Variants in TMEM150C observed in about 807,000 individuals in gnomAD.
TMEM150C encodes tentonin 3.
In TMEM150C, 10 loss-of-function variants were observed where a neutral mutation model predicts 29.9. That is an observed-to-expected ratio of 0.33 (90% CI 0.21 to 0.57). The LOEUF (loss-of-function observed/expected upper bound fraction) is 0.57, where lower values mean the gene tolerates loss of function less well. Ranked by LOEUF, TMEM150C falls within the 20% of genes least tolerant of loss-of-function variation. TMEM150C has a pLI of 0.88. For synonymous variants in TMEM150C, 101 were observed against 112.5 expected (o/e 0.90, Z 0.64); for missense variants, 251 against 303.6 (o/e 0.83, Z 1.29).
intron 6 of TMEM150C, among the ~76,000 whole-genome samples, chr4:82,492,397 G>A (rs961325071): frequency 1.3e-5 from 2 of 152,202 alleles, no homozygotes; most frequent in African/African-American, 4.8e-5. Context: ...CAAAGTGCTG[G>A]GATTACAGGC....
intron 7 of TMEM150C, among the ~76,000 whole-genome samples, chr4:82,487,519 C>T (rs910210493): frequency 1.3e-5 from 2 of 152,122 alleles, no homozygotes; most frequent in African/African-American, 4.8e-5. Context: ...AAAATATTGC[C>T]AAAGCAATAT....
At chr4:82,544,501 G>A (rs752387618) in intron 1 of TMEM150C, among the ~76,000 whole-genome samples, 12 of 152,184 alleles carry the variant, frequency 7.9e-5, no homozygotes, top group Non-Finnish European at 1.2e-4. Context: ...ATGTATGGCC[G>A]AGCACAGTGG....
chr4:82,551,599 TTTC>T (rs1478226862), intron 1 of TMEM150C, among the ~76,000 whole-genome samples: 7 of 152,310 alleles, frequency 4.6e-5, no homozygotes, highest in Middle Eastern at 3.4e-3. Context: ...ATCTGCTTTT[TTTC>T]ATTTTCCCCT....
At chr4:82,488,193 G>GT (rs1302176805) in intron 7 of TMEM150C, among the ~76,000 whole-genome samples, 1 of 152,138 alleles carries the variant, frequency 6.6e-6, no homozygotes, top group East Asian at 1.9e-4. Flanking sequence ...AGGATGTTTG[G>GT]TTTTTCATTC....
chr4:82,546,337 A>C (rs1267986298), intron 1 of TMEM150C, among the ~76,000 whole-genome samples: 1 of 152,214 alleles, frequency 6.6e-6, no homozygotes, highest in African/African-American at 2.4e-5. Flanking sequence ...TTCAGACTAT[A>C]CTATAAGGTT....
chr4:82,495,485 G>C (rs187709347), intron 6 of TMEM150C: 75 of 359,080 alleles, frequency 2.1e-4, no homozygotes, highest in Non-Finnish European at 2.3e-4. Context: ...TTAGGCCCCA[G>C]GTGACGAGGC....
intron 1 of TMEM150C, among the ~76,000 whole-genome samples, chr4:82,529,200 A>C (rs1305531941): frequency 6.6e-6 from 1 of 152,080 alleles, no homozygotes; most frequent in African/African-American, 2.4e-5. Context: ...GAACGATCAG[A>C]GAAACAGCAG....
intron 1 of TMEM150C, among the ~76,000 whole-genome samples, chr4:82,553,521 A>T (rs1392049837): frequency 6.6e-6 from 1 of 152,172 alleles, no homozygotes; most frequent in Admixed American, 6.5e-5. Context: ...GTGCCTTCCA[A>T]AGGCATTTTC....
chr4:82,503,465 A>G (rs1723800020), intron 2 of TMEM150C, among the ~76,000 whole-genome samples: 1 of 152,264 alleles, frequency 6.6e-6, no homozygotes, highest in Non-Finnish European at 1.5e-5. Flanking sequence ...AGAAACTAAA[A>G]TAATTTTCTT....
intron 1 of TMEM150C, among the ~76,000 whole-genome samples, chr4:82,550,789 C>CAAAA (rs751772010): frequency 8.9e-6 from 1 of 112,102 alleles, no homozygotes; most frequent in Admixed American, 9.5e-5. Flanking sequence ...GACTCCGTCT[C>CAAAA]AAAAAAAAAA....
chr4:82,529,990 C>T (rs566846205), intron 1 of TMEM150C, among the ~76,000 whole-genome samples: 21 of 151,720 alleles, frequency 1.4e-4, no homozygotes, highest in Non-Finnish European at 2.7e-4. Context: ...CCATGTGCTG[C>T]AGGAGAATTC....
intron 1 of TMEM150C, among the ~76,000 whole-genome samples, chr4:82,522,871 G>A (rs1190409583): frequency 2.0e-5 from 3 of 152,168 alleles, no homozygotes; most frequent in Non-Finnish European, 4.4e-5. Flanking sequence ...AAGACACCAG[G>A]GTGATCAGAT....
rs6846219 is a variant in TMEM150C, at chr4:82,554,635, A to G, written c.-11+7271T>C. Among the ~76,000 whole-genome samples, 1,471 of 152,346 alleles carry G rather than the reference A, an allele frequency of 9.7e-3. 24 individuals carry two copies. Among genetic ancestry groups the G allele is most frequent in the African/African-American group, 0.034 (1,402 of 41,586 alleles). ...TGTTAATAAATGAAATGTTTGGTGA[A>G]TAGTAAAGCTATGCTATTTTTAGAG... On this transcript the variant is annotated intron_variant, in intron 1 of 7. Coordinates refer to ENST00000449862, the MANE Select transcript of TMEM150C (RefSeq NM_001080506.3).
chr4:82,513,779 A>G (rs2110075052), intron 1 of TMEM150C, among the ~76,000 whole-genome samples: 1 of 152,282 alleles, frequency 6.6e-6, no homozygotes, highest in Non-Finnish European at 1.5e-5. Flanking sequence ...TCCCAACTCT[A>G]CTGTCTCAGA....
chr4:82,518,199 C>T (rs1724357315), intron 1 of TMEM150C, among the ~76,000 whole-genome samples: 1 of 152,058 alleles, frequency 6.6e-6, no homozygotes, highest in Admixed American at 6.6e-5. Flanking sequence ...ACCTGTAATC[C>T]CAGCTACTGG....
chr4:82,513,819 A>C (rs899400751), intron 1 of TMEM150C, among the ~76,000 whole-genome samples: 2 of 152,194 alleles, frequency 1.3e-5, no homozygotes, highest in African/African-American at 4.8e-5. Context: ...CTACATTGAG[A>C]GAGGAAAACA....
At chr4:82,526,528 T>C (rs1366865361) in intron 1 of TMEM150C, among the ~76,000 whole-genome samples, 3 of 152,304 alleles carry the variant, frequency 2.0e-5, no homozygotes, top group South Asian at 2.1e-4. Context: ...TTACATGGAT[T>C]CTCTTATTAA....
At chr4:82,509,361 G>T (rs1299757518) in intron 1 of TMEM150C, among the ~76,000 whole-genome samples, 1 of 152,172 alleles carries the variant, frequency 6.6e-6, no homozygotes, top group African/African-American at 2.4e-5. Context: ...TCTTCAAGCT[G>T]CAGATAGCCA....
intron 6 of TMEM150C, 28 bp from the exon 7 acceptor site, chr4:82,490,266 G>C: frequency 6.2e-7 from 1 of 1,605,768 alleles, no homozygotes; most frequent in Non-Finnish European, 8.5e-7. Context: ...AATGACACAT[G>C]AAGGCCCATT....
Sources: gnomAD v4.1 joint callset for allele counts (sites outside exome capture counted in the v4.1 genomes callset) on GRCh38, gnomAD v4.1.1 for gene constraint, MANE v1.5 for transcripts, NCBI Gene and HGNC (gene_info 2026-07-23, HGNC 2026-07-21) for gene names.